Variants in ZNF704 observed in about 807,000 individuals in gnomAD.
The protein encoded by ZNF704 is glucocorticoid induced gene 1.
Under a neutral mutation model 44.7 loss-of-function variants are expected in ZNF704, and 10 were observed. The observed-to-expected ratio is 0.22, with a 90% confidence interval of 0.14 to 0.38. The LOEUF (loss-of-function observed/expected upper bound fraction) is 0.38, where lower values mean the gene tolerates loss of function less well. ZNF704 is among the 10% of genes least tolerant of loss of function. The probability of loss-of-function intolerance (pLI) is 1.00; values close to 1 mark genes in which losing one functional copy is unlikely to be tolerated. For synonymous variants in ZNF704, 211 were observed against 207.6 expected, an observed-to-expected ratio of 1.02 and a Z score of -0.14; for missense variants, 390 against 545.5, an observed-to-expected ratio of 0.71 and a Z score of 2.84.
chr8:80,660,256 G>C (rs1252829017), intron 6 of ZNF704, among the ~76,000 whole-genome samples: 2 of 152,068 alleles, frequency 1.3e-5, no homozygotes, highest in Admixed American at 1.3e-4. Context: ...AGGATCGCTT[G>C]AGCCCAGAGT....
intron 4 of ZNF704, among the ~76,000 whole-genome samples, chr8:80,677,487 T>G (rs1385124728): frequency 1.3e-5 from 2 of 152,212 alleles, no homozygotes; most frequent in Non-Finnish European, 2.9e-5. Context: ...CATTATCCTC[T>G]GTCAAGTCAC....
intron 4 of ZNF704, among the ~76,000 whole-genome samples, chr8:80,677,612 G>C (rs1465170941): frequency 6.6e-6 from 1 of 152,164 alleles, no homozygotes; most frequent in Non-Finnish European, 1.5e-5. Context: ...AAGAAAATTA[G>C]GTAATGATAT....
the ZNF704 span, among the ~76,000 whole-genome samples, chr8:80,880,217 T>A: frequency 2.0e-5 from 3 of 152,196 alleles, no homozygotes; most frequent in Admixed American, 2.0e-4. Flanking sequence ...GCTATGTGCA[T>A]CAGCTGGAAA....
At chr8:80,644,965 G>C in intron 7 of ZNF704, 1 of 1,150,418 alleles carries the variant, frequency 8.7e-7, no homozygotes, top group Non-Finnish European at 1.3e-6. Flanking sequence ...AGTGGGTGCC[G>C]GAACAGCAAG....
At chr8:80,880,297 G>A in the ZNF704 span, among the ~76,000 whole-genome samples, 1 of 152,178 alleles carries the variant, frequency 6.6e-6, no homozygotes, top group Non-Finnish European at 1.5e-5. Context: ...AAGGGTGGAT[G>A]GCTGTGATGG....
chr8:80,854,080 C>A (rs1180681238), intron 1 of ZNF704, among the ~76,000 whole-genome samples: 1 of 152,074 alleles, frequency 6.6e-6, no homozygotes, highest in African/African-American at 2.4e-5. Context: ...ACCACTGCCT[C>A]GTGACTGAAT....
At position 80,874,404 on chromosome 8, in the gene ZNF704, C is replaced by G. The variant is rs866333657; in HGVS notation, c.-22+167G>C. Among the ~76,000 whole-genome samples the G allele has an allele frequency of 4.0e-3, 587 of 148,320 alleles. 4 individuals carry two copies. Among genetic ancestry groups the G allele is most frequent in the African/African-American group, 0.014 (561 of 41,070 alleles). On this transcript the variant is annotated intron_variant, in intron 1 of 8. Transcript: ENST00000327835. This position sits in a 1 kb window ranked among gnomAD's most constrained non-coding sequence, Gnocchi z 4.4. ...CGGCCGAGCCCGCGCGCGCCTCTCC[C>G]GGCCGGCTGCGCCCGCGCGCTCCGG...
At chr8:80,660,077 C>T (rs1368739471) in intron 6 of ZNF704, among the ~76,000 whole-genome samples, 5 of 152,128 alleles carry the variant, frequency 3.3e-5, no homozygotes, top group Non-Finnish European at 5.9e-5. Flanking sequence ...TTTGACAATA[C>T]ATATAAAAAT....
intron 1 of ZNF704, among the ~76,000 whole-genome samples, chr8:80,860,068 T>A (rs1380414018): frequency 6.6e-6 from 1 of 152,200 alleles, no homozygotes; most frequent in Admixed American, 6.5e-5. Flanking sequence ...ACCTCTGTTT[T>A]CATCCCATGC....
At chr8:80,766,691 C>T (rs929850680) in intron 2 of ZNF704, among the ~76,000 whole-genome samples, 7 of 151,974 alleles carry the variant, frequency 4.6e-5, no homozygotes, top group African/African-American at 7.2e-5. Context: ...AGGACATTAC[C>T]GTTATCCAGT....
intron 1 of ZNF704, among the ~76,000 whole-genome samples, chr8:80,859,253 T>C (rs534265560): frequency 1.3e-5 from 2 of 152,330 alleles, no homozygotes; most frequent in Admixed American, 6.5e-5. Flanking sequence ...ATATATTCTA[T>C]GCTAAAGTAA....
At chr8:80,776,054 T>C (rs1170697818) in intron 2 of ZNF704, among the ~76,000 whole-genome samples, 1 of 152,226 alleles carries the variant, frequency 6.6e-6, no homozygotes, top group South Asian at 2.1e-4. Flanking sequence ...TTTTAATAGC[T>C]GCATGATAGT....
intron 2 of ZNF704, among the ~76,000 whole-genome samples, chr8:80,805,072 TA>T (rs1299967847): frequency 1.3e-5 from 2 of 152,168 alleles, no homozygotes; most frequent in East Asian, 3.9e-4. Context: ...TATCAAACTG[TA>T]AAAATTAAAT....
chr8:80,655,768 C>T (rs996985765), intron 7 of ZNF704, among the ~76,000 whole-genome samples: 4 of 152,142 alleles, frequency 2.6e-5, no homozygotes, highest in Non-Finnish European at 5.9e-5. Context: ...GAAAAAAAGG[C>T]CTCTGGCTTG....
rs542041348 is a variant in ZNF704, at chr8:80,773,174, C to T, written c.221+48200G>A. ...TTTGTATTAAGGCCCATGGTATGGACTGTTTGTTTCACTGTTTTTTATTTC... is the reference window on the plus strand; with the variant it reads ...TTTGTATTAAGGCCCATGGTATGGATTGTTTGTTTCACTGTTTTTTATTTC... On this transcript the variant is annotated intron_variant, in intron 2 of 8. Coordinates refer to ENST00000327835, the MANE Select transcript of ZNF704 (RefSeq NM_001033723.3). Among the ~76,000 whole-genome samples the T allele has an allele frequency of 7.9e-5, 12 of 152,280 alleles. No homozygotes were observed. The South Asian group carries it at 2.5e-3, about 32-fold the overall frequency.
At chr8:80,693,895 C>T (rs1490604799) in intron 2 of ZNF704, among the ~76,000 whole-genome samples, 1 of 152,092 alleles carries the variant, frequency 6.6e-6, no homozygotes, top group Admixed American at 6.5e-5. Flanking sequence ...ATTAGCTGAG[C>T]TGCTATATGG....
chr8:80,818,003 G>C (rs1296754234), intron 2 of ZNF704, among the ~76,000 whole-genome samples: 4 of 152,140 alleles, frequency 2.6e-5, no homozygotes, highest in African/African-American at 9.7e-5. Flanking sequence ...AGGTACTCAA[G>C]AAAAACCTGT....
chr8:80,652,872 G>T (rs1456393116), intron 7 of ZNF704, among the ~76,000 whole-genome samples: 1 of 152,114 alleles, frequency 6.6e-6, no homozygotes, highest in Non-Finnish European at 1.5e-5. Context: ...CAAAAAAAGA[G>T]AATTTTAGAC....
intron 2 of ZNF704, among the ~76,000 whole-genome samples, chr8:80,717,722 TTTTAC>T (rs1262137565): frequency 4.6e-5 from 7 of 152,204 alleles, no homozygotes; most frequent in African/African-American, 1.7e-4. Context: ...TTTTCTCCTT[TTTTAC>T]TTTAATCAAT....
Sources: gnomAD v4.1 joint callset for allele counts (sites outside exome capture counted in the v4.1 genomes callset) on GRCh38, gnomAD v4.1.1 for gene constraint, Gnocchi (gnomAD v3.1) non-coding constraint, MANE v1.5 for transcripts, NCBI Gene and HGNC (gene_info 2026-07-23, HGNC 2026-07-21) for gene names.